Variants in BBOX1 observed in about 807,000 individuals in gnomAD.
BBOX1 encodes gamma-butyrobetaine dioxygenase.
In BBOX1, 35 loss-of-function variants were observed where a neutral mutation model predicts 41.6. The observed-to-expected ratio is 0.84, with a 90% CI of 0.64 to 1.11. The LOEUF (loss-of-function observed/expected upper bound fraction) is 1.11. Among genes scored for constraint, BBOX1 ranks in the 50% most tolerant of loss-of-function variants. The pLI, the probability that BBOX1 is intolerant of heterozygous loss-of-function variation, is 0.00. For synonymous variants in BBOX1, 163 were observed against 154.7 expected, an observed-to-expected ratio of 1.05 and a Z score of -0.40; for missense variants, 458 against 460.6, an observed-to-expected ratio of 0.99 and a Z score of 0.05.
chr11:27,069,289 T>C (rs776997461), intron 4 of BBOX1, among the ~76,000 whole-genome samples: 47 of 152,158 alleles, frequency 3.1e-4, no homozygotes, highest in Non-Finnish European at 1.9e-4. Context: ...TAGAGAGATC[T>C]TTCATCTCCC....
At chr11:27,067,334 C>T (rs142463125) in intron 4 of BBOX1, among the ~76,000 whole-genome samples, 81 of 152,088 alleles carry the variant, frequency 5.3e-4, no homozygotes, top group Admixed American at 4.8e-3. Flanking sequence ...AAGTAGTGTA[C>T]GTTGTAACGA....
Position 27,055,487 on chromosome 11 carries a change from C to T in BBOX1, c.57C>T (p.Ile19=). The T allele has an allele frequency of 6.2e-7, 1 of 1,614,148 alleles. No homozygotes were observed. The highest frequency in any genetic ancestry group is 8.5e-7 in the Non-Finnish European group (1 of 1,180,030). ...EALDGAHLMQ[I]LWYDEEESLY... is the part of the protein sequence containing the mutation. The stretch of plus-strand genomic sequence containing the variant: ...TTGACGGGGCTCATTTGATGCAGAT[C>T]CTCTGGTATGATGAGGAAGAGTCTC... Residue 19 remains isoleucine (I), a synonymous_variant, in exon 3 of 9, where the codon ATC becomes ATT. Coordinates refer to ENST00000263182, the MANE Select transcript of BBOX1 (RefSeq NM_003986.3).
chr11:27,115,078 T>A (rs1270804666), intron 5 of BBOX1, among the ~76,000 whole-genome samples: 1 of 151,916 alleles, frequency 6.6e-6, no homozygotes, highest in African/African-American at 2.4e-5. Flanking sequence ...GCGAATTTAC[T>A]AAATGCCACT....
intron 2 of BBOX1, among the ~76,000 whole-genome samples, chr11:27,046,927 T>TTTC: frequency 6.6e-6 from 1 of 152,166 alleles, no homozygotes; most frequent in Non-Finnish European, 1.5e-5. Flanking sequence ...AATTTTTTTT[T>TTTC]TAATTTTCAT....
chr11:27,043,472 C>CAGGTTTGGGGTACATGTGCAGAATGTGA (rs1851402396), intron 2 of BBOX1, among the ~76,000 whole-genome samples: 1 of 152,000 alleles, frequency 6.6e-6, no homozygotes, highest in Non-Finnish European at 1.5e-5. Flanking sequence ...GCAGAATGTG[C>CAGGTTTGGGGTACATGTGCAGAATGTGA]AGGTATACAC....
intron 5 of BBOX1, among the ~76,000 whole-genome samples, chr11:27,094,391 C>T (rs1302640052): frequency 6.6e-6 from 1 of 151,998 alleles, no homozygotes; most frequent in African/African-American, 2.4e-5. Context: ...TGGAAGCACA[C>T]GAGCTGTATT....
At chr11:27,071,381 CA>C (rs573465578) in intron 4 of BBOX1, among the ~76,000 whole-genome samples, 108 of 134,454 alleles carry the variant, frequency 8.0e-4, no homozygotes, top group South Asian at 2.6e-3. Context: ...GACTCCATCT[CA>C]AAAAAAAAAA....
At chr11:27,079,562 T>C (rs896035267) in intron 4 of BBOX1, among the ~76,000 whole-genome samples, 6 of 152,036 alleles carry the variant, frequency 3.9e-5, no homozygotes, top group Non-Finnish European at 7.4e-5. Context: ...GAAAACAATA[T>C]GCCCATGTAA....
chr11:27,099,107 T>A (rs1349425902), intron 5 of BBOX1, among the ~76,000 whole-genome samples: 3 of 151,944 alleles, frequency 2.0e-5, no homozygotes, highest in African/African-American at 7.2e-5. Context: ...GACAACATTG[T>A]CAAAATTTAT....
intron 8 of BBOX1, among the ~76,000 whole-genome samples, chr11:27,126,437 G>A (rs1407318128): frequency 6.6e-6 from 1 of 152,118 alleles, no homozygotes; most frequent in South Asian, 2.1e-4. Context: ...AAAAATACAA[G>A]TTAGAATCCA....
chr11:27,115,541 T>G lies in BBOX1; in HGVS notation c.623T>G (p.Leu208Arg). ...KLSFHTDYPA[L>R]HHPPGVQLLH... is the part of the protein sequence containing the mutation. ...AGCTTTCACACTGATTATCCAGCCC[T>G]CCATCATCCACCTGGGGTAAGTGAG... Residue 208 changes from leucine to arginine, a missense_variant, in exon 6 of 9, where the codon CTC becomes CGC. Coordinates refer to ENST00000263182, the MANE Select transcript of BBOX1 (RefSeq NM_003986.3). 3 of 1,609,732 alleles carry G rather than the reference T, an allele frequency of 1.9e-6. No homozygotes were observed. The highest frequency in any genetic ancestry group is 2.5e-6 in the Non-Finnish European group (3 of 1,177,378).
At chr11:27,125,619 G>A in intron 7 of BBOX1, 35 bp from the exon 8 acceptor site, 3 of 1,423,176 alleles carry the variant, frequency 2.1e-6, no homozygotes, top group South Asian at 2.9e-5. Context: ...GATATTTCAT[G>A]AATTATATAT....
In BBOX1 at chr11:27,080,367, C is replaced by A. The variant is rs188106877; in HGVS notation, c.335-12801C>A. The stretch of plus-strand genomic sequence containing the variant: ...AATGGTCATTTTCTATAGTATTTGA[C>A]TCTCTTTCACACTAGACAGTTAAAA... On this transcript the variant is annotated intron_variant, in intron 4 of 8. Transcript: ENST00000263182. Among the ~76,000 whole-genome samples, 39 of 152,194 alleles carry A rather than the reference C, an allele frequency of 2.6e-4. No homozygotes were observed. In the East Asian group the frequency reaches 6.9e-3, roughly 27 times the overall value.
At chr11:27,101,061 G>T (rs992914654) in intron 5 of BBOX1, among the ~76,000 whole-genome samples, 5 of 152,012 alleles carry the variant, frequency 3.3e-5, no homozygotes, top group African/African-American at 1.2e-4. Context: ...AAAAAATGAG[G>T]CAGAAGAATC....
chr11:27,127,147 A>G, intron 8 of BBOX1, 146 bp from the exon 9 acceptor site: 1 of 905,394 alleles, frequency 1.1e-6, no homozygotes, highest in Non-Finnish European at 1.7e-6. Flanking sequence ...TTGTGTGGAA[A>G]AGTAAATGTG....
chr11:27,079,259 G>T (rs1857750091), intron 4 of BBOX1, among the ~76,000 whole-genome samples: 1 of 152,098 alleles, frequency 6.6e-6, no homozygotes, highest in African/African-American at 2.4e-5. Context: ...CACTTCAATA[G>T]AATTAAAGAA....
intron 4 of BBOX1, among the ~76,000 whole-genome samples, chr11:27,069,382 G>T (rs1857377405): frequency 8.1e-6 from 1 of 122,976 alleles, no homozygotes; most frequent in Non-Finnish European, 1.7e-5. Flanking sequence ...TTTGGTTATT[G>T]TTGGTATAGT....
At chr11:27,114,004 C>T (rs1351027537) in intron 5 of BBOX1, among the ~76,000 whole-genome samples, 1 of 151,668 alleles carries the variant, frequency 6.6e-6, no homozygotes, top group African/African-American at 2.4e-5. Flanking sequence ...TATAATAAAT[C>T]CCATAAAATC....
chr11:27,067,715 C>T lies in BBOX1; in HGVS notation c.334+10400C>T, dbSNP rs139430265. 4.4e-3 allele frequency among the ~76,000 whole-genome samples: 668 copies of T among 151,906 alleles called. 5 individuals carry two copies. Among genetic ancestry groups the T allele is most frequent in the African/African-American group, 0.015 (641 of 41,432 alleles). On this transcript the variant is annotated intron_variant, in intron 4 of 8. Coordinates refer to ENST00000263182, the MANE Select transcript of BBOX1 (RefSeq NM_003986.3). ...AGTGGAAGTTGCACTGAGCCGAGAT[C>T]GCGCCACTGCACTCCAGCCTGTACG...
Sources: allele counts gnomAD v4.1 joint callset (sites outside exome capture counted in the v4.1 genomes callset), GRCh38; gene constraint gnomAD v4.1.1; transcripts MANE v1.5; gene names NCBI Gene and HGNC (gene_info 2026-07-23, HGNC 2026-07-21).